COL27A1: variants seen among roughly 807,000 people sequenced by gnomAD.
COL27A1 encodes the protein collagen alpha-1(XXVII) chain.
Under a neutral mutation model 251.3 loss-of-function variants are expected in COL27A1, and 106 were observed. The observed-to-expected ratio is 0.42, with a 90% CI of 0.36 to 0.50. COL27A1 has a LOEUF of 0.50. Ranked by LOEUF, COL27A1 falls within the 20% of genes least tolerant of loss-of-function variation. COL27A1 has a pLI of 0.00. For synonymous variants in COL27A1, 1,000 were observed against 986.3 expected, an observed-to-expected ratio of 1.01 and a Z score of -0.26; for missense variants, 2,325 against 2,522.8, an observed-to-expected ratio of 0.92 and a Z score of 1.68.
chr9:114,207,314 G>T (rs1256228140), intron 10 of COL27A1, among the ~76,000 whole-genome samples: 3 of 152,194 alleles, frequency 2.0e-5, no homozygotes, highest in African/African-American at 7.2e-5. Flanking sequence ...TGGGGGCGGG[G>T]AGGTGCATTC....
intron 5 of COL27A1, among the ~76,000 whole-genome samples, chr9:114,183,769 C>T (rs1423401498): frequency 6.6e-6 from 1 of 152,106 alleles, no homozygotes; most frequent in African/African-American, 2.4e-5. Context: ...TTGCTCTGAG[C>T]TGGAGACAGA....
intron 2 of COL27A1, among the ~76,000 whole-genome samples, chr9:114,165,694 A>T (rs929147874): frequency 6.7e-6 from 1 of 150,300 alleles, no homozygotes; most frequent in African/African-American, 2.5e-5. Flanking sequence ...CTACCCTTTC[A>T]TCCACCCATC....
rs1435684048 is a variant in COL27A1, at chr9:114,195,999, C to T, written c.2111C>T (p.Pro704Leu). Reference protein sequence around the residue: ...GLPGLSGNPGPPGRKGHKGYP... With the variant: ...GLPGLSGNPGLPGRKGHKGYP... ...CCTGGGCTCTCCGGGAATCCAGGAC[C>T]TCCGGGACGAAAGGTACTGTTTGGT... Residue 704 changes from proline to leucine, a missense_variant, in exon 7 of 61, where the codon CCT (proline) becomes CTT (leucine). This residue lies in a region of COL27A1 where 1,183 missense variants were observed against 1,144.1 expected (regional missense o/e 1.03). Coordinates refer to ENST00000356083, the MANE Select transcript of COL27A1 (RefSeq NM_032888.4). 6 of 1,614,116 alleles carry T rather than the reference C, an allele frequency of 3.7e-6. No homozygotes were observed. The highest frequency in any genetic ancestry group is 5.1e-6 in the Non-Finnish European group (6 of 1,179,972).
chr9:114,166,974 G>T (rs992593697), intron 2 of COL27A1, among the ~76,000 whole-genome samples: 1 of 152,164 alleles, frequency 6.6e-6, no homozygotes, highest in African/African-American at 2.4e-5. Flanking sequence ...CCTTCTGATA[G>T]CAGATGGCAG....
intron 5 of COL27A1, among the ~76,000 whole-genome samples, chr9:114,183,548 CA>C (rs1828104138): frequency 6.6e-6 from 1 of 151,890 alleles, no homozygotes; most frequent in African/African-American, 2.4e-5. Context: ...TAGTCCGGGC[CA>C]ACTTAGGGGT....
chr9:114,182,895 G>C (rs1169172436), intron 4 of COL27A1, 127 bp from the exon 5 acceptor site: 1 of 816,456 alleles, frequency 1.2e-6, no homozygotes, highest in African/African-American at 1.7e-5. Flanking sequence ...CGACAGTGTT[G>C]CTAGGGCTTG....
intron 6 of COL27A1, 40 bp from the exon 7 acceptor site, chr9:114,195,919 C>T (rs771166849): frequency 1.4e-6 from 2 of 1,464,724 alleles, no homozygotes; most frequent in South Asian, 2.3e-5. Flanking sequence ...TGTCTCTGCT[C>T]CCGTTTTCCT....
intron 56 of COL27A1, among the ~76,000 whole-genome samples, chr9:114,303,783 GCCAAGC>G (rs1828836204): frequency 1.3e-5 from 2 of 152,198 alleles, no homozygotes; most frequent in African/African-American, 4.8e-5. Context: ...CTATGTCTCT[GCCAAGC>G]CCAGTGGTAG....
intron 49 of COL27A1, among the ~76,000 whole-genome samples, chr9:114,293,054 T>C (rs1828028643): frequency 6.6e-6 from 1 of 152,170 alleles, no homozygotes; most frequent in African/African-American, 2.4e-5. Context: ...AAACAGAAGA[T>C]CAGTAAGGAT....
chr9:114,254,703 G>A (rs1020941219), intron 27 of COL27A1, among the ~76,000 whole-genome samples: 2 of 152,186 alleles, frequency 1.3e-5, no homozygotes, highest in Non-Finnish European at 2.9e-5. Context: ...GGGGAAGCTC[G>A]CATAAACCTG....
chr9:114,248,675 G>A (rs74755697), intron 24 of COL27A1, among the ~76,000 whole-genome samples: 7,310 of 152,146 alleles, frequency 0.048, 612 homozygotes, highest in African/African-American at 0.17. Flanking sequence ...ACAGTACCCC[G>A]GGGGGGTCCC....
intron 2 of COL27A1, among the ~76,000 whole-genome samples, chr9:114,165,583 A>C (rs1294638012): frequency 6.7e-6 from 1 of 149,190 alleles, no homozygotes; most frequent in East Asian, 2.0e-4. Context: ...TCATCCATCC[A>C]TCCATCCATC....
At chr9:114,206,826 T>C (rs932210376) in intron 10 of COL27A1, among the ~76,000 whole-genome samples, 2 of 152,132 alleles carry the variant, frequency 1.3e-5, no homozygotes, top group African/African-American at 4.8e-5. Context: ...ACCTCTACAA[T>C]GGTCATGATG....
At chr9:114,175,034 C>T (rs1827299417) in intron 3 of COL27A1, among the ~76,000 whole-genome samples, 1 of 9,000 alleles carries the variant, frequency 1.1e-4, no homozygotes, top group African/African-American at 8.3e-4. Context: ...TGTAAAACCT[C>T]TCATTGCTTG....
chr9:114,289,236 T>C lies in COL27A1; in HGVS notation c.4153-6T>C. ...CTGCCTTGCGTCATCTCACCTTGGTTTGCAGGGGCATCCGGGACCCCGGGG... is the reference window on the plus strand; with the variant it reads ...CTGCCTTGCGTCATCTCACCTTGGTCTGCAGGGGCATCCGGGACCCCGGGG... On this transcript the variant is annotated splice_polypyrimidine_tract_variant and splice_region_variant and intron_variant, in intron 44 of 60. Coordinates refer to ENST00000356083, the MANE Select transcript of COL27A1 (RefSeq NM_032888.4). The C allele has an allele frequency of 6.3e-7, 1 of 1,590,030 alleles. No individual in the cohort carries two copies. Among genetic ancestry groups the C allele is most frequent in the Non-Finnish European group, 8.6e-7 (1 of 1,169,198 alleles).
chr9:114,186,093 G>A (rs976439775), intron 5 of COL27A1, among the ~76,000 whole-genome samples: 2 of 152,210 alleles, frequency 1.3e-5, no homozygotes, highest in African/African-American at 2.4e-5. Context: ...GCCAGAAGGA[G>A]CTTTGTCAGG....
chr9:114,275,514 C>A, intron 36 of COL27A1, 147 bp from the exon 37 acceptor site: 1 of 583,622 alleles, frequency 1.7e-6, no homozygotes, highest in Non-Finnish European at 3.0e-6. Context: ...AGCACCCTGC[C>A]TTTTTGGCTG....
chr9:114,214,452 G>A (rs927465961), intron 12 of COL27A1, among the ~76,000 whole-genome samples: 1 of 152,174 alleles, frequency 6.6e-6, no homozygotes, highest in Non-Finnish European at 1.5e-5. Context: ...TCAGTATCCA[G>A]TTTGGAAGGG....
chr9:114,199,435 C>T (rs1383148663), intron 7 of COL27A1, among the ~76,000 whole-genome samples: 1 of 152,044 alleles, frequency 6.6e-6, no homozygotes, highest in African/African-American at 2.4e-5. Context: ...TACCCTGGGC[C>T]TTCCTGCCTC....
Sources: allele counts gnomAD v4.1 joint callset (sites outside exome capture counted in the v4.1 genomes callset), GRCh38; gene constraint gnomAD v4.1.1; regional missense constraint gnomAD v4.1.1; transcripts MANE v1.5; gene names NCBI Gene and HGNC (gene_info 2026-07-23, HGNC 2026-07-21).